The following SYNE2 variants were observed in gnomAD, a reference collection of about 807,000 sequenced individuals.
SYNE2 encodes nesprin-2.
A neutral mutation model predicts 856.3 loss-of-function variants in SYNE2; 431 were observed. The ratio of observed to expected loss-of-function variants is 0.50; its 90% CI spans 0.47 to 0.55. SYNE2 has a LOEUF of 0.55. Ranked by LOEUF, SYNE2 falls within the 20% of genes least tolerant of loss-of-function variation. SYNE2 has a pLI of 0.00. For synonymous variants in SYNE2, 2,923 were observed against 2,872.3 expected (o/e 1.02, Z -0.56); for missense variants, 8,129 against 8,023.2 (o/e 1.01, Z -0.50).
intron 2 of SYNE2, among the ~76,000 whole-genome samples, chr14:63,925,858 T>C (rs1244800135): frequency 6.6e-6 from 1 of 152,150 alleles, no homozygotes; most frequent in Non-Finnish European, 1.5e-5. Context: ...CTTTTTTTTC[T>C]TTCCTTCTTT....
chr14:64,180,543 C>A (rs77957961), intron 96 of SYNE2, among the ~76,000 whole-genome samples: 1 of 147,032 alleles, frequency 6.8e-6, no homozygotes, highest in African/African-American at 2.5e-5. Flanking sequence ...TCGTTCTTGT[C>A]ACCCAGGCTG....
chr14:63,818,667 CAA>C (rs1357639154), intron 1 of SYNE2, among the ~76,000 whole-genome samples: 1 of 150,306 alleles, frequency 6.7e-6, no homozygotes, highest in Non-Finnish European at 1.5e-5. Context: ...AGGAACAAGG[CAA>C]AGATATCCAT....
intron 55 of SYNE2, among the ~76,000 whole-genome samples, chr14:64,079,488 T>C (rs943057215): frequency 3.9e-5 from 6 of 152,186 alleles, no homozygotes; most frequent in African/African-American, 9.7e-5. Context: ...AGGAACCTAA[T>C]TTAACAAGTT....
chr14:63,923,302 GT>G (rs760555478), intron 2 of SYNE2, among the ~76,000 whole-genome samples: 1 of 152,210 alleles, frequency 6.6e-6, no homozygotes, highest in Non-Finnish European at 1.5e-5. Flanking sequence ...AAAAGCCTCA[GT>G]ATAAGACTGT....
chr14:64,152,824 C>A, intron 85 of SYNE2, 108 bp downstream of exon 85: 1 of 1,400,422 alleles, frequency 7.1e-7, no homozygotes, highest in Non-Finnish European at 9.9e-7. Flanking sequence ...CTATACCAAA[C>A]ACTGAAAAGT....
At chr14:63,955,970 A>G (rs1392593899) in intron 8 of SYNE2, among the ~76,000 whole-genome samples, 5 of 152,246 alleles carry the variant, frequency 3.3e-5, no homozygotes, top group South Asian at 4.1e-4. Context: ...CTTCAATGAC[A>G]TGAATGACTT....
intron 19 of SYNE2, among the ~76,000 whole-genome samples, chr14:63,988,837 G>A (rs963494071): frequency 7.2e-5 from 11 of 152,088 alleles, no homozygotes; most frequent in Admixed American, 3.3e-4. Context: ...TCACTATTTT[G>A]AGAACAGCAC....
chr14:64,162,591 G>A (rs1487838737), intron 88 of SYNE2: 1 of 404,718 alleles, frequency 2.5e-6, no homozygotes, highest in Admixed American at 3.6e-5. Context: ...TCTCAACTGA[G>A]TGTGACCCTG....
At chr14:63,763,165 AC>A (rs1254242322) in intron 1 of SYNE2, among the ~76,000 whole-genome samples, 1 of 151,870 alleles carries the variant, frequency 6.6e-6, no homozygotes, top group Non-Finnish European at 1.5e-5. Context: ...ACAGGGTTTC[AC>A]CATATTGGTC....
intron 96 of SYNE2, among the ~76,000 whole-genome samples, chr14:64,180,933 A>T (rs1258550339): frequency 1.3e-5 from 2 of 152,158 alleles, no homozygotes; most frequent in African/African-American, 4.8e-5. Flanking sequence ...ATTATTGCTG[A>T]TGCCTAGAAA....
At chr14:64,121,981 AT>A in intron 68 of SYNE2, 30 bp from the exon 69 acceptor site, 1 of 1,612,422 alleles carries the variant, frequency 6.2e-7, no homozygotes, top group Non-Finnish European at 8.5e-7. Flanking sequence ...AGCTTGATGG[AT>A]TGGACCATTT....
chr14:63,941,675 T>C lies in SYNE2; in HGVS notation c.142-20T>C, dbSNP rs762920033. The C allele has an allele frequency of 6.2e-7, 1 of 1,605,328 alleles. No homozygotes were observed. Among genetic ancestry groups the C allele is most frequent in the South Asian group, 1.1e-5 (1 of 90,702 alleles). On this transcript the variant is annotated intron_variant, in intron 3 of 115. Coordinates refer to ENST00000555002, the MANE Select transcript of SYNE2 (RefSeq NM_182914.3). ...TTGGACCAAAGTTTGAATGATTATTTTTCTTGTGACCTTCTGCAGCACACT... is the reference window on the plus strand; with the variant it reads ...TTGGACCAAAGTTTGAATGATTATTCTTCTTGTGACCTTCTGCAGCACACT...
At chr14:63,922,469 C>T (rs774099793) in intron 2 of SYNE2, among the ~76,000 whole-genome samples, 27 of 152,178 alleles carry the variant, frequency 1.8e-4, no homozygotes, top group Non-Finnish European at 2.2e-4. Context: ...TGACTTGCTT[C>T]AGCAAGCCGT....
At chr14:64,155,584 A>C (rs1396217481) in intron 85 of SYNE2, among the ~76,000 whole-genome samples, 1 of 152,162 alleles carries the variant, frequency 6.6e-6, no homozygotes, top group Non-Finnish European at 1.5e-5. Flanking sequence ...GTAAAAAAAA[A>C]AAAAACGCAG....
Position 64,224,090 on chromosome 14 carries a change from A to G in SYNE2, c.20383-371A>G, listed in dbSNP as rs2098706941. Among the ~76,000 whole-genome samples the G allele has an allele frequency of 5.3e-5, 8 of 151,260 alleles. No individual in the cohort carries two copies. The South Asian group carries it at 1.7e-3, about 32-fold the overall frequency. ...CTGGGCACAGTGGCTAATGCCTATAATCCCAGCACTTGGGGAGGCCAAGGC... is the reference window on the plus strand; with the variant it reads ...CTGGGCACAGTGGCTAATGCCTATAGTCCCAGCACTTGGGGAGGCCAAGGC... On this transcript the variant is annotated intron_variant, in intron 113 of 115. Coordinates refer to ENST00000555002, the MANE Select transcript of SYNE2 (RefSeq NM_182914.3).
chr14:64,029,828 A>G, intron 43 of SYNE2, 67 bp from the exon 44 acceptor site: 1 of 1,512,422 alleles, frequency 6.6e-7, no homozygotes, highest in Admixed American at 1.9e-5. Context: ...TTAGTCATTT[A>G]ATTATTTTGT....
At chr14:63,960,001 T>G (rs2096289446) in intron 8 of SYNE2, among the ~76,000 whole-genome samples, 1 of 152,332 alleles carries the variant, frequency 6.6e-6, no homozygotes, top group East Asian at 1.9e-4. Flanking sequence ...TCATGATTAT[T>G]TATGCAAACC....
chr14:64,144,476 ATACAAG>A (rs2098165206), intron 83 of SYNE2, among the ~76,000 whole-genome samples: 1 of 152,232 alleles, frequency 6.6e-6, no homozygotes, highest in Non-Finnish European at 1.5e-5. Context: ...CACAATTAAG[ATACAAG>A]TACATGAATG....
rs149495037 is a variant in SYNE2 at position 63,938,306 on chromosome 14, A to G, written c.80-2308A>G. Among the ~76,000 whole-genome samples, 723 of 152,250 alleles carry G rather than the reference A, an allele frequency of 4.7e-3. 6 individuals are homozygous for G. Among genetic ancestry groups the G allele is most frequent in the African/African-American group, 0.017 (689 of 41,532 alleles). ...CCCATCTCTACAAAAAATTTAAAAA[A>G]TTAGCTGGACATGGCAGTACACGCC... On this transcript the variant is annotated intron_variant, in intron 2 of 115. Coordinates refer to ENST00000555002, the MANE Select transcript of SYNE2 (RefSeq NM_182914.3).
Sources: gnomAD v4.1 joint callset for allele counts (sites outside exome capture counted in the v4.1 genomes callset) on GRCh38, gnomAD v4.1.1 for gene constraint, MANE v1.5 for transcripts, NCBI Gene and HGNC (gene_info 2026-07-23, HGNC 2026-07-21) for gene names.